Variants in ARHGEF7 observed in about 807,000 individuals in gnomAD.
The protein encoded by ARHGEF7 is Rho guanine nucleotide exchange factor 7, also known as PAK-interacting exchange factor beta.
ARHGEF7 carries 33 observed loss-of-function variants against 109.8 expected under a neutral mutation model. The observed-to-expected ratio is 0.30, with a 90% CI of 0.23 to 0.40. ARHGEF7 has a LOEUF of 0.40. Ranked by LOEUF, ARHGEF7 falls within the 10% of genes least tolerant of loss-of-function variation. The pLI, the probability that ARHGEF7 is intolerant of heterozygous loss-of-function variation, is 1.00. For synonymous variants in ARHGEF7, 458 were observed against 424.6 expected, an observed-to-expected ratio of 1.08 and a Z score of -0.97; for missense variants, 938 against 1,098.5, an observed-to-expected ratio of 0.85 and a Z score of 2.07.
intron 6 of ARHGEF7, among the ~76,000 whole-genome samples, chr13:111,236,224 C>A (rs551908520): frequency 6.6e-6 from 1 of 152,362 alleles, no homozygotes; most frequent in Admixed American, 6.5e-5. Context: ...TGTCTTCATA[C>A]TGTCCTTTAA....
At chr13:111,130,984 A>C (rs1448527561) in intron 1 of ARHGEF7, among the ~76,000 whole-genome samples, 7 of 152,228 alleles carry the variant, frequency 4.6e-5, no homozygotes, top group Non-Finnish European at 1.5e-5. Flanking sequence ...ACGCGGAGAG[A>C]CAGGCAGAGC....
chr13:111,240,662 A>T (rs896361476), intron 6 of ARHGEF7, among the ~76,000 whole-genome samples: 12 of 152,236 alleles, frequency 7.9e-5, no homozygotes, highest in Non-Finnish European at 1.5e-4. Flanking sequence ...TGGAATGGAG[A>T]ACATTAAATG....
chr13:111,226,927 T>G (rs762584176), intron 5 of ARHGEF7, among the ~76,000 whole-genome samples: 68 of 152,182 alleles, frequency 4.5e-4, no homozygotes, highest in Non-Finnish European at 6.8e-4. Flanking sequence ...AACAGGAGTT[T>G]GGAAGACATT....
Position 111,257,013 on chromosome 13 carries a change from G to A in ARHGEF7, c.951-10535G>A, listed in dbSNP as rs558021201. ...TTGCTTCTTGAAAACAGCTAATTTA[G>A]ATTGGTTCCAAAGTTGTAATAATCT... is the stretch of plus-strand genomic sequence containing the variant. On this transcript the variant is annotated intron_variant, in intron 8 of 21. Coordinates refer to ENST00000646102, the MANE Select transcript of ARHGEF7 (RefSeq NM_001354046.2). 2.0e-5 allele frequency among the ~76,000 whole-genome samples: 3 copies of A among 152,322 alleles called. No individual in the cohort carries two copies. The East Asian group carries it at 5.8e-4, about 29-fold the overall frequency.
intron 18 of ARHGEF7, among the ~76,000 whole-genome samples, chr13:111,289,367 C>T (rs532778893): frequency 5.9e-5 from 9 of 152,252 alleles, no homozygotes; most frequent in African/African-American, 2.2e-4. Context: ...ATTTTTCCTC[C>T]GGTGTTGCCA....
At chr13:111,136,226 A>G (rs890070578) in intron 1 of ARHGEF7, among the ~76,000 whole-genome samples, 63 of 152,306 alleles carry the variant, frequency 4.1e-4, no homozygotes, top group African/African-American at 7.0e-4. Context: ...TTTTGCATCA[A>G]TGTTCATCAG....
chr13:111,198,547 A>C (rs1469377474), intron 2 of ARHGEF7, among the ~76,000 whole-genome samples: 1 of 151,478 alleles, frequency 6.6e-6, no homozygotes, highest in Non-Finnish European at 1.5e-5. Context: ...AGACCTTCGC[A>C]GTGGGTGTTA....
At chr13:111,223,770 C>T (rs1228578162) in intron 5 of ARHGEF7, among the ~76,000 whole-genome samples, 1 of 151,892 alleles carries the variant, frequency 6.6e-6, no homozygotes, top group East Asian at 1.9e-4. Context: ...ATGTACAGTA[C>T]AGTCTTATGG....
At chr13:111,222,402 T>C (rs1421938925) in intron 5 of ARHGEF7, among the ~76,000 whole-genome samples, 8 of 152,186 alleles carry the variant, frequency 5.3e-5, no homozygotes. Flanking sequence ...TGGAAAGTCA[T>C]GCTAGTTTTA....
rs1221554983 is a variant in ARHGEF7, at chr13:111,303,352, C to T, written c.*239C>T. 1.2e-5 allele frequency: 4 copies of T among 336,426 alleles called. No homozygotes were observed. Among genetic ancestry groups the T allele is most frequent in the African/African-American group, 6.2e-5 (3 of 48,302 alleles). The allele number at this position is 336,426 out of a possible 1,614,324, so 20.8% of individuals were successfully genotyped here. A position where few individuals can be genotyped will look rare whatever the true frequency, so the allele number is the denominator to read the frequency against. On this transcript the variant is annotated 3_prime_UTR_variant, in exon 22 of 22. Transcript: ENST00000646102. ...GAGCTACATCAATCCACTCTGTGAA[C>T]ATCTCAGTTACCTCATTCTGCAATA...
chr13:111,207,556 T>G (rs1245332780), intron 3 of ARHGEF7, among the ~76,000 whole-genome samples: 1 of 152,250 alleles, frequency 6.6e-6, no homozygotes, highest in Non-Finnish European at 1.5e-5. Context: ...ATCCTTAATT[T>G]GACTCTGCTC....
chr13:111,144,669 A>G (rs1327105860), intron 1 of ARHGEF7: 1 of 152,262 alleles, frequency 6.6e-6, no homozygotes, highest in Non-Finnish European at 1.5e-5. Flanking sequence ...AGGTGAACTT[A>G]GGATTTCAAA....
At chr13:111,294,230 T>C (rs1477967484) in intron 19 of ARHGEF7, 1 of 985,294 alleles carries the variant, frequency 1.0e-6, no homozygotes, top group African/African-American at 1.7e-5. Context: ...AGAAGCGATT[T>C]TGGTTTTGTA....
intron 2 of ARHGEF7, among the ~76,000 whole-genome samples, chr13:111,183,425 G>A (rs138490109): frequency 6.6e-6 from 1 of 151,958 alleles, no homozygotes; most frequent in African/African-American, 2.4e-5. Flanking sequence ...GAAGCTGTCT[G>A]GCAAATGTTT....
At chr13:111,167,940 C>G (rs748754713) in intron 2 of ARHGEF7, among the ~76,000 whole-genome samples, 1 of 152,164 alleles carries the variant, frequency 6.6e-6, no homozygotes, top group African/African-American at 2.4e-5. Flanking sequence ...ACCCCTTCCT[C>G]ACAGGACACT....
chr13:111,290,453 T>C (rs1156881812), intron 18 of ARHGEF7, among the ~76,000 whole-genome samples: 1 of 152,228 alleles, frequency 6.6e-6, no homozygotes, highest in Non-Finnish European at 1.5e-5. Context: ...GCAAACACCA[T>C]GCCATCTTAT....
At chr13:111,184,808 C>T (rs942652) in intron 2 of ARHGEF7, 7,128 of 152,622 alleles carry the variant, frequency 0.047, 314 homozygotes, top group Admixed American at 0.15. Context: ...TGTGGGTTAC[C>T]GGCCCCGTGG....
At chr13:111,130,454 C>T (rs1458765515) in intron 1 of ARHGEF7, among the ~76,000 whole-genome samples, 1 of 152,118 alleles carries the variant, frequency 6.6e-6, no homozygotes, top group South Asian at 2.1e-4. Flanking sequence ...TACTTTTGAA[C>T]CTAATCGTGA....
intron 5 of ARHGEF7, among the ~76,000 whole-genome samples, chr13:111,218,707 C>T (rs2083440312): frequency 6.6e-6 from 1 of 152,122 alleles, no homozygotes. Flanking sequence ...ACAGGTGTTT[C>T]ATATGGAAAA....
Sources: gnomAD v4.1 joint callset for allele counts (sites outside exome capture counted in the v4.1 genomes callset) on GRCh38, gnomAD v4.1.1 for gene constraint, MANE v1.5 for transcripts, NCBI Gene and HGNC (gene_info 2026-07-23, HGNC 2026-07-21) for gene names.